Variants in NUP58 observed in about 807,000 individuals in gnomAD.
NUP58 encodes the protein nucleoporin 58, also known as nucleoporin p58/p45.
NUP58 carries 17 observed loss-of-function variants against 70.1 expected under a neutral mutation model. The ratio of observed to expected loss-of-function variants is 0.24; its 90% CI spans 0.17 to 0.36. NUP58 has a LOEUF of 0.36. Ranked by LOEUF, NUP58 falls within the 10% of genes least tolerant of loss-of-function variation. NUP58 has a pLI of 1.00. For missense variants in NUP58, 644 were observed against 701.5 expected, an observed-to-expected ratio of 0.92 and a Z score of 0.93; for synonymous variants, 275 against 257.6, an observed-to-expected ratio of 1.07 and a Z score of -0.65.
chr13:25,307,785 GT>G lies in NUP58; in HGVS notation c.108-16del. The G allele has an allele frequency of 6.2e-7, 1 of 1,611,598 alleles. No individual in the cohort carries two copies. The highest frequency in any genetic ancestry group is 8.5e-7 in the Non-Finnish European group (1 of 1,179,098). The stretch of plus-strand genomic sequence containing the variant: ...CTTTTGTGCATGTGATTTTTGTTTT[GT>G]TTTTGTTTCTTTAAATAAGCAACCC... On this transcript the variant is annotated intron_variant, in intron 1 of 15. Coordinates refer to ENST00000381736, the MANE Select transcript of NUP58 (RefSeq NM_014089.4).
At chr13:25,336,835 C>G in intron 13 of NUP58, 101 bp from the exon 14 acceptor site, 1 of 734,746 alleles carries the variant, frequency 1.4e-6, no homozygotes, top group Non-Finnish European at 2.1e-6. Context: ...AAAGTAATCA[C>G]TGTTCATTTT....
At chr13:25,325,415 A>G (rs2031356170) in intron 10 of NUP58, among the ~76,000 whole-genome samples, 1 of 152,190 alleles carries the variant, frequency 6.6e-6, no homozygotes, top group African/African-American at 2.4e-5. Context: ...TGGAAGAAAA[A>G]TTAGAAAATA....
intron 7 of NUP58, 140 bp downstream of exon 7, chr13:25,319,490 A>C: frequency 1.5e-6 from 1 of 677,624 alleles, no homozygotes; most frequent in Non-Finnish European, 2.6e-6. Context: ...CGTTAAAAGT[A>C]AAATAATAGA....
chr13:25,335,856 C>CT, intron 13 of NUP58: 3 of 1,048,292 alleles, frequency 2.9e-6, no homozygotes, highest in Non-Finnish European at 3.4e-6. Context: ...TTGAGATGCA[C>CT]TGATCACTGT....
chr13:25,302,966 A>C (rs543738081), intron 1 of NUP58: 9 of 456,714 alleles, frequency 2.0e-5, no homozygotes, highest in South Asian at 1.4e-4. Context: ...TCGTGGAACA[A>C]ATATTTATTG....
At chr13:25,321,149 A>G in intron 9 of NUP58, 56 bp downstream of exon 9, 1 of 1,435,044 alleles carries the variant, frequency 7.0e-7, no homozygotes, top group Non-Finnish European at 9.5e-7. Context: ...TTTTTTCCAA[A>G]ATGGAAATAA....
intron 13 of NUP58, chr13:25,332,334 G>T: frequency 1.0e-6 from 1 of 985,284 alleles, no homozygotes; most frequent in Non-Finnish European, 1.2e-6. Context: ...GTTTTATTTG[G>T]TCCTGTGTCT....
At chr13:25,313,518 C>T in intron 4 of NUP58, 96 bp from the exon 5 acceptor site, 1 of 1,160,140 alleles carries the variant, frequency 8.6e-7, no homozygotes, top group Non-Finnish European at 1.2e-6. Context: ...CCAATTTTAT[C>T]ATGGATGTCA....
chr13:25,327,196 T>A (rs1157199814), intron 11 of NUP58, among the ~76,000 whole-genome samples, 162 bp downstream of exon 11: 1 of 152,194 alleles, frequency 6.6e-6, no homozygotes, highest in African/African-American at 2.4e-5. Context: ...ATATGCTTTA[T>A]TATATGAATT....
At chr13:25,311,800 A>G (rs1262561742) in intron 3 of NUP58, among the ~76,000 whole-genome samples, 9 of 152,016 alleles carry the variant, frequency 5.9e-5, no homozygotes, top group Admixed American at 5.9e-4. Context: ...GGCCTAAGCT[A>G]AGGTTTTTAA....
intron 13 of NUP58, chr13:25,333,887 A>G: frequency 1.0e-6 from 1 of 985,332 alleles, no homozygotes; most frequent in Non-Finnish European, 1.2e-6. Context: ...GAGTTATCAG[A>G]AGGGTTTTGC....
chr13:25,307,664 T>A (rs1349857078), intron 1 of NUP58, 142 bp from the exon 2 acceptor site: 1 of 707,230 alleles, frequency 1.4e-6, no homozygotes, highest in Non-Finnish European at 2.2e-6. Context: ...TCTTTTTGGG[T>A]CCTATGACAA....
chr13:25,336,912 ATTTTTTT>A lies in NUP58; in HGVS notation c.1436-14_1436-8del. The A allele has an allele frequency of 8.0e-7, 1 of 1,256,624 alleles. No individual in the cohort carries two copies. The highest frequency in any genetic ancestry group is 1.1e-6 in the Non-Finnish European group (1 of 925,554). The allele number at this position is 1,256,624 out of a possible 1,614,324, so 77.8% of individuals were successfully genotyped here. The stretch of plus-strand genomic sequence containing the variant: ...GGCAAATTTGTTTTTTTTCCCCCCC[ATTTTTTT>A]TTTTTTTTTATACCAGGGCCACAGC... On this transcript the variant is annotated splice_polypyrimidine_tract_variant and intron_variant, in intron 13 of 15. Coordinates refer to ENST00000381736, the MANE Select transcript of NUP58 (RefSeq NM_014089.4).
intron 1 of NUP58, 45 bp downstream of exon 1, chr13:25,301,925 C>T (rs762210888): frequency 5.5e-6 from 7 of 1,277,004 alleles, no homozygotes; most frequent in Non-Finnish European, 5.6e-6. Flanking sequence ...CACCCCCACC[C>T]CCACCCCCGC....
At chr13:25,338,797 G>A in intron 15 of NUP58, 66 bp downstream of exon 15, 1 of 1,413,192 alleles carries the variant, frequency 7.1e-7, no homozygotes, top group Non-Finnish European at 9.9e-7. Context: ...TTAAAAGTAT[G>A]TGTTGTTATT....
intron 3 of NUP58, among the ~76,000 whole-genome samples, chr13:25,310,848 A>T (rs903484066): frequency 6.6e-6 from 1 of 152,122 alleles, no homozygotes; most frequent in Non-Finnish European, 1.5e-5. Flanking sequence ...AGCAGTTACT[A>T]CTTCCTAACC....
chr13:25,319,728 GT>G lies in NUP58; in HGVS notation c.710+382del, dbSNP rs954631663. 6.6e-5 allele frequency among the ~76,000 whole-genome samples: 10 copies of G among 152,142 alleles called. No individual in the cohort carries two copies. The East Asian group carries it at 1.9e-3, about 29-fold the overall frequency. On this transcript the variant is annotated intron_variant, in intron 7 of 15. Transcript: ENST00000381736. ...TGCCAGTCTCGTTTTATGTCCTGGT[GT>G]TTTCAGTGAAGAGAATAGCCTCCAT...
At chr13:25,343,890 C>A (rs199950256), downstream of NUP58, among the ~76,000 whole-genome samples, 1 of 149,188 alleles carries the variant, frequency 6.7e-6, no homozygotes, top group East Asian at 2.0e-4. Flanking sequence ...CAACTATTCT[C>A]TGGATGGTTA....
intron 2 of NUP58, 118 bp from the exon 3 acceptor site, chr13:25,309,129 C>A: frequency 1.4e-6 from 1 of 733,262 alleles, no homozygotes; most frequent in Non-Finnish European, 2.4e-6. Flanking sequence ...ATGTATTGTT[C>A]TAATTAGAAG....
Sources: gnomAD v4.1 joint callset for allele counts (sites outside exome capture counted in the v4.1 genomes callset) on GRCh38, gnomAD v4.1.1 for gene constraint, MANE v1.5 for transcripts, NCBI Gene and HGNC (gene_info 2026-07-23, HGNC 2026-07-21) for gene names.